DENND1A: variants seen among roughly 807,000 people sequenced by gnomAD.
DENND1A encodes DENN domain containing 1A.
Under a neutral mutation model 113.7 loss-of-function variants are expected in DENND1A, and 51 were observed. That is an observed-to-expected ratio of 0.45 (90% CI 0.36 to 0.57). The LOEUF (loss-of-function observed/expected upper bound fraction) is 0.57. Ranked by LOEUF, DENND1A falls within the 20% of genes least tolerant of loss-of-function variation. The pLI is 0.00. For synonymous variants in DENND1A, 565 were observed against 570.8 expected (o/e 0.99, Z 0.14); for missense variants, 1,258 against 1,395.9 (o/e 0.90, Z 1.57).
At chr9:123,882,099 T>C (rs1177968951) in intron 1 of DENND1A, among the ~76,000 whole-genome samples, 1 of 152,080 alleles carries the variant, frequency 6.6e-6, no homozygotes, top group Non-Finnish European at 1.5e-5. Context: ...GATGATCTCA[T>C]TCAGTCTCTG....
intron 2 of DENND1A, among the ~76,000 whole-genome samples, chr9:123,834,629 C>T (rs903066716): frequency 2.0e-5 from 3 of 152,194 alleles, no homozygotes; most frequent in Non-Finnish European, 4.4e-5. Context: ...ACTACTCACA[C>T]GTCATAAGCC....
At chr9:123,608,676 T>C (rs1472260376) in intron 11 of DENND1A, among the ~76,000 whole-genome samples, 2 of 152,242 alleles carry the variant, frequency 1.3e-5, no homozygotes, top group Admixed American at 1.3e-4. Context: ...CTTTAGGGGT[T>C]CTATGCTAGG....
chr9:123,626,292 C>T (rs982134719), intron 10 of DENND1A, among the ~76,000 whole-genome samples: 11 of 151,910 alleles, frequency 7.2e-5, no homozygotes, highest in Admixed American at 2.0e-4. Flanking sequence ...GGGGAAAGGA[C>T]CTATGTCTAT....
intron 2 of DENND1A, among the ~76,000 whole-genome samples, chr9:123,832,336 C>T (rs1840352507): frequency 6.6e-6 from 1 of 152,098 alleles, no homozygotes; most frequent in Non-Finnish European, 1.5e-5. Context: ...ATACACTACC[C>T]ATTCATTCAG....
intron 2 of DENND1A, among the ~76,000 whole-genome samples, chr9:123,870,670 C>T (rs905919795): frequency 3.3e-5 from 5 of 151,978 alleles, no homozygotes; most frequent in Non-Finnish European, 5.9e-5. Context: ...CTCCTGACCT[C>T]GTGATCCGCC....
chr9:123,629,020 C>G (rs1458532107), intron 10 of DENND1A, among the ~76,000 whole-genome samples: 3 of 152,200 alleles, frequency 2.0e-5, no homozygotes, highest in Non-Finnish European at 4.4e-5. Flanking sequence ...ATCTCCATGG[C>G]CTCTTGGGAA....
chr9:123,888,377 T>C (rs755812707), intron 1 of DENND1A, among the ~76,000 whole-genome samples: 1 of 152,138 alleles, frequency 6.6e-6, no homozygotes, highest in African/African-American at 2.4e-5. Context: ...AGGGAATAAA[T>C]TGAAAAGTTT....
chr9:123,393,918 G>A (rs1218953509), intron 21 of DENND1A, among the ~76,000 whole-genome samples: 9 of 152,290 alleles, frequency 5.9e-5, no homozygotes, highest in South Asian at 2.1e-4. Flanking sequence ...TTGCTTTGCC[G>A]GAGGACAATG....
chr9:123,803,911 C>T (rs1473178800), intron 2 of DENND1A, among the ~76,000 whole-genome samples: 2 of 152,182 alleles, frequency 1.3e-5, no homozygotes, highest in Non-Finnish European at 2.9e-5. Context: ...ACTCACATAC[C>T]AACAGCCACA....
chr9:123,501,788 C>T (rs141855263), intron 13 of DENND1A, among the ~76,000 whole-genome samples: 3 of 152,256 alleles, frequency 2.0e-5, no homozygotes, highest in Admixed American at 6.5e-5. Context: ...GGCAGGAAAA[C>T]GTGAAAAGGA....
At chr9:123,721,661 A>C (rs771985000) in intron 5 of DENND1A, among the ~76,000 whole-genome samples, 34 of 152,190 alleles carry the variant, frequency 2.2e-4, no homozygotes, top group African/African-American at 7.7e-4. Flanking sequence ...GATGATAATG[A>C]ATCAGTCTCA....
intron 13 of DENND1A, among the ~76,000 whole-genome samples, chr9:123,552,039 CAG>C (rs58452320): frequency 0.048 from 6,165 of 127,906 alleles, 458 homozygotes; most frequent in African/African-American, 0.17. Flanking sequence ...GAGAGAGAGA[CAG>C]AGAGAGAGAG....
chr9:123,452,998 G>C (rs1424210968), intron 16 of DENND1A, among the ~76,000 whole-genome samples: 1 of 152,162 alleles, frequency 6.6e-6, no homozygotes, highest in African/African-American at 2.4e-5. Flanking sequence ...CTTTCTTTAG[G>C]AGCAAAAGTG....
chr9:123,540,577 T>C (rs2056210660), intron 13 of DENND1A, among the ~76,000 whole-genome samples: 1 of 152,224 alleles, frequency 6.6e-6, no homozygotes, highest in African/African-American at 2.4e-5. Flanking sequence ...ATGAGTTCCT[T>C]TGAGCCCAGC....
chr9:123,639,039 T>TAAAAAAAAAAAAAAAAAAAAAAAAAAA (rs750972974), intron 9 of DENND1A, among the ~76,000 whole-genome samples: 29 of 32,090 alleles, frequency 9.0e-4, no homozygotes, highest in Admixed American at 2.0e-3. Flanking sequence ...GCATGAGTAG[T>TAAAAAAAAAAAAAAAAAAAAAAAAAAA]AAAAAAAAAA....
intron 12 of DENND1A, among the ~76,000 whole-genome samples, chr9:123,581,333 A>G (rs2058882319): frequency 1.3e-5 from 2 of 152,152 alleles, no homozygotes; most frequent in Admixed American, 1.3e-4. Context: ...AGGTGGAGAG[A>G]AGTTTGAAAT....
At chr9:123,857,065 C>T (rs1178570432) in intron 2 of DENND1A, among the ~76,000 whole-genome samples, 6 of 151,530 alleles carry the variant, frequency 4.0e-5, no homozygotes, top group African/African-American at 1.2e-4. Context: ...ACCAAGAAGG[C>T]CTAGAAGCAG....
chr9:123,830,896 A>C (rs903236348), intron 2 of DENND1A, among the ~76,000 whole-genome samples: 12 of 149,796 alleles, frequency 8.0e-5, no homozygotes, highest in African/African-American at 3.0e-4. Flanking sequence ...AAAAAAAAAA[A>C]AAAACCAGAA....
At position 123,764,207 on chromosome 9, in the gene DENND1A, A is replaced by T. The variant is rs998324608; in HGVS notation, c.182+5307T>A. ...GTTGCAGATTAGAGATAATGTATAC[A>T]AGATAACTAGCATATAGTAGGTACC... On this transcript the variant is annotated intron_variant, in intron 4 of 23. Transcript: ENST00000394215. This position sits in a 1 kb window ranked among gnomAD's most constrained non-coding sequence, Gnocchi z 4.1. Among the ~76,000 whole-genome samples the T allele has an allele frequency of 6.6e-6, 1 of 152,198 alleles. No individual in the cohort carries two copies. Among genetic ancestry groups the T allele is most frequent in the Non-Finnish European group, 1.5e-5 (1 of 68,020 alleles).
Sources: allele counts gnomAD v4.1 joint callset (sites outside exome capture counted in the v4.1 genomes callset), GRCh38; gene constraint gnomAD v4.1.1; non-coding constraint Gnocchi (gnomAD v3.1); transcripts MANE v1.5; gene names NCBI Gene and HGNC (gene_info 2026-07-23, HGNC 2026-07-21).